The following RUNDC3B variants were observed in gnomAD, a reference collection of about 807,000 sequenced individuals.
RUNDC3B encodes RUN domain-containing protein 3B.
A neutral mutation model predicts 58.4 loss-of-function variants in RUNDC3B; 33 were observed. The ratio of observed to expected loss-of-function variants is 0.56; its 90% CI spans 0.43 to 0.75. RUNDC3B has a LOEUF of 0.75. Ranked by LOEUF, RUNDC3B falls within the 30% of genes least tolerant of loss-of-function variation. RUNDC3B has a pLI of 0.00. For missense variants in RUNDC3B, 501 were observed against 535.7 expected, an observed-to-expected ratio of 0.94 and a Z score of 0.64; for synonymous variants, 193 against 195.2, an observed-to-expected ratio of 0.99 and a Z score of 0.10.
chr7:87,813,842 G>A (rs1380780582), intron 9 of RUNDC3B, among the ~76,000 whole-genome samples: 1 of 151,798 alleles, frequency 6.6e-6, no homozygotes, highest in Non-Finnish European at 1.5e-5. Flanking sequence ...ATAGCCGGGC[G>A]TGGTGGCAGG....
At chr7:87,764,000 A>G (rs550199508) in intron 6 of RUNDC3B, among the ~76,000 whole-genome samples, 1 of 151,920 alleles carries the variant, frequency 6.6e-6, no homozygotes, top group Admixed American at 6.6e-5. Flanking sequence ...ACATCTATGA[A>G]ATTATAATTT....
intron 2 of RUNDC3B, among the ~76,000 whole-genome samples, chr7:87,676,968 A>G (rs1371327617): frequency 2.0e-5 from 3 of 152,118 alleles, no homozygotes; most frequent in Non-Finnish European, 4.4e-5. Flanking sequence ...AAAAACAATC[A>G]AAAGATAACA....
chr7:87,757,775 A>T (rs897315241), intron 6 of RUNDC3B, among the ~76,000 whole-genome samples: 1 of 152,176 alleles, frequency 6.6e-6, no homozygotes, highest in Non-Finnish European at 1.5e-5. Flanking sequence ...AGCTATAGTA[A>T]CCAAAGCAGC....
At chr7:87,728,602 T>G (rs1231687792) in intron 4 of RUNDC3B, among the ~76,000 whole-genome samples, 2 of 152,172 alleles carry the variant, frequency 1.3e-5, no homozygotes, top group Non-Finnish European at 2.9e-5. Flanking sequence ...CACATCTTCT[T>G]CTCTGAGGCT....
chr7:87,799,472 A>C (rs1836002872), intron 8 of RUNDC3B, among the ~76,000 whole-genome samples: 1 of 152,064 alleles, frequency 6.6e-6, no homozygotes. Context: ...ATTAACATAA[A>C]ATTCTATATT....
chr7:87,787,268 C>A (rs899381927), intron 8 of RUNDC3B, among the ~76,000 whole-genome samples: 3 of 152,074 alleles, frequency 2.0e-5, no homozygotes, highest in Admixed American at 6.5e-5. Flanking sequence ...TTTAAAAAAT[C>A]AACTGTCAAG....
chr7:87,635,285 A>G (rs1821651908), intron 1 of RUNDC3B, among the ~76,000 whole-genome samples: 2 of 152,190 alleles, frequency 1.3e-5, no homozygotes, highest in Admixed American at 1.3e-4. Context: ...GAAAGATTCC[A>G]TCAGTCTGCA....
intron 1 of RUNDC3B, among the ~76,000 whole-genome samples, chr7:87,640,502 C>A (rs928897152): frequency 1.3e-5 from 2 of 151,996 alleles, no homozygotes; most frequent in Non-Finnish European, 2.9e-5. Context: ...CACCACCACA[C>A]CCAGCTAATT....
intron 4 of RUNDC3B, among the ~76,000 whole-genome samples, chr7:87,717,743 T>A (rs1182890815): frequency 1.3e-5 from 2 of 152,100 alleles, no homozygotes; most frequent in Non-Finnish European, 2.9e-5. Context: ...GGAAGACTTG[T>A]ATCAAAATTT....
chr7:87,766,469 T>C (rs1156467060), intron 6 of RUNDC3B, among the ~76,000 whole-genome samples: 1 of 152,134 alleles, frequency 6.6e-6, no homozygotes, highest in Non-Finnish European at 1.5e-5. Flanking sequence ...CTTGCTTGTC[T>C]GGGGAAGGAC....
chr7:87,813,933 A>T (rs1217388324), intron 9 of RUNDC3B, among the ~76,000 whole-genome samples: 1 of 151,426 alleles, frequency 6.6e-6, no homozygotes, highest in Admixed American at 6.6e-5. Context: ...GTGAGCGGAG[A>T]TCGCGCCACT....
Position 87,831,708 on chromosome 7 carries a change from T to C in RUNDC3B, c.*1678T>C, listed in dbSNP as rs916699768. ...GAAGGTAGGTATAATATGAGGACAATGGAAACTTTGGGAGAAGGGAGTGAG... is the reference window on the plus strand; with the variant it reads ...GAAGGTAGGTATAATATGAGGACAACGGAAACTTTGGGAGAAGGGAGTGAG... On this transcript the variant is annotated 3_prime_UTR_variant, in exon 11 of 11. Transcript: ENST00000394654. The C allele has an allele frequency of 1.3e-5, 2 of 151,774 alleles. No individual in the cohort carries two copies. Among genetic ancestry groups the C allele is most frequent in the African/African-American group, 4.8e-5 (2 of 41,380 alleles). The allele number at this position is 151,774 out of a possible 1,614,324, so 9.4% of individuals were successfully genotyped here.
intron 7 of RUNDC3B, among the ~76,000 whole-genome samples, chr7:87,774,787 A>G (rs1280914966): frequency 6.6e-6 from 1 of 152,214 alleles, no homozygotes; most frequent in Non-Finnish European, 1.5e-5. Flanking sequence ...ACAATGGGCC[A>G]TGTATATGAG....
chr7:87,743,930 GT>G (rs955903958), intron 6 of RUNDC3B, among the ~76,000 whole-genome samples: 1 of 152,140 alleles, frequency 6.6e-6, no homozygotes, highest in Non-Finnish European at 1.5e-5. Flanking sequence ...ATCTTGCAGA[GT>G]TTTTATAGTT....
At position 87,665,470 on chromosome 7, in the gene RUNDC3B, A is replaced by T. The variant is rs538694766; in HGVS notation, c.238+14533A>T. Among the ~76,000 whole-genome samples, 10 of 152,250 alleles carry T rather than the reference A, an allele frequency of 6.6e-5. No individual in the cohort carries two copies. The East Asian group carries it at 1.9e-3, about 29-fold the overall frequency. On this transcript the variant is annotated intron_variant, in intron 2 of 10. Coordinates refer to ENST00000394654, the MANE Select transcript of RUNDC3B (RefSeq NM_001134405.2). ...ATAAATAGAAATATATCTCATGCTC[A>T]TGGGTTGGAAGAATTTTTATTGTTA...
At chr7:87,802,493 T>G (rs182118130) in intron 8 of RUNDC3B, among the ~76,000 whole-genome samples, 1 of 152,152 alleles carries the variant, frequency 6.6e-6, no homozygotes, top group Non-Finnish European at 1.5e-5. Flanking sequence ...TAAGACCTAG[T>G]GTTTGCTAGC....
intron 8 of RUNDC3B, among the ~76,000 whole-genome samples, chr7:87,805,631 T>C (rs956051892): frequency 2.0e-4 from 30 of 152,174 alleles, no homozygotes; most frequent in African/African-American, 7.2e-4. Context: ...TTTAATGAGG[T>C]ATAAAACTTT....
chr7:87,707,994 T>C (rs926006898), intron 3 of RUNDC3B, among the ~76,000 whole-genome samples: 3 of 152,068 alleles, frequency 2.0e-5, no homozygotes, highest in African/African-American at 7.2e-5. Flanking sequence ...AATGAAAATA[T>C]AACATATAAA....
chr7:87,675,330 A>G (rs979152903), intron 2 of RUNDC3B, among the ~76,000 whole-genome samples: 5 of 152,186 alleles, frequency 3.3e-5, no homozygotes, highest in African/African-American at 9.7e-5. Flanking sequence ...TTTTAATGAC[A>G]TTTTTCATAG....
Sources: allele counts gnomAD v4.1 joint callset (sites outside exome capture counted in the v4.1 genomes callset), GRCh38; gene constraint gnomAD v4.1.1; transcripts MANE v1.5; gene names NCBI Gene and HGNC (gene_info 2026-07-23, HGNC 2026-07-21).